The following TCF4 variants were observed in gnomAD, a reference collection of about 807,000 sequenced individuals.
TCF4 encodes SL3-3 enhancer factor 2.
A neutral mutation model predicts 82.1 loss-of-function variants in TCF4; 3 were observed. The observed-to-expected ratio is 0.04, with a 90% confidence interval of 0.02 to 0.09. The LOEUF (loss-of-function observed/expected upper bound fraction) is 0.09, where lower values mean the gene tolerates loss of function less well. Among genes scored for constraint, TCF4 ranks in the 10% least tolerant of loss-of-function variants. TCF4 has a pLI of 1.00. For missense variants in TCF4, 518 were observed against 852.7 expected, an observed-to-expected ratio of 0.61 and a Z score of 4.89; for synonymous variants, 276 against 309.6, an observed-to-expected ratio of 0.89 and a Z score of 1.14.
intron 8 of TCF4, among the ~76,000 whole-genome samples, chr18:55,318,989 G>T (rs2074831996): frequency 1.3e-5 from 2 of 152,068 alleles, no homozygotes; most frequent in African/African-American, 4.8e-5. Context: ...GCCTCTCTCA[G>T]TTCAGGGAGT....
At chr18:55,249,400 G>C (rs1342835518) in intron 15 of TCF4, among the ~76,000 whole-genome samples, 1 of 152,188 alleles carries the variant, frequency 6.6e-6, no homozygotes, top group Non-Finnish European at 1.5e-5. Flanking sequence ...TTTCTGAAAT[G>C]GGTTCCACAT....
rs776969005 is a variant in TCF4 at position 55,279,573 on chromosome 18, G to A, written c.633C>T (p.Phe211=). 2 of 1,613,952 alleles carry A rather than the reference G, an allele frequency of 1.2e-6. No individual in the cohort carries two copies. Among genetic ancestry groups the A allele is most frequent in the Non-Finnish European group, 1.7e-6 (2 of 1,179,896 alleles). ...TACCTTGCATGAAGAAGGAGCTAGG[G>A]AAAGTGCTGGTTGCTGGTTTGGAGG... is the stretch of plus-strand genomic sequence containing the variant. ...YPSSKPATST[F]PSSFFMQDGH... Residue 211 remains phenylalanine, a synonymous_variant, in exon 9 of 20, where the codon TTC becomes TTT. Coordinates refer to ENST00000354452, the MANE Select transcript of TCF4 (RefSeq NM_001083962.2).
chr18:55,333,942 A>G (rs1469444010), intron 8 of TCF4, among the ~76,000 whole-genome samples: 1 of 152,192 alleles, frequency 6.6e-6, no homozygotes, highest in African/African-American at 2.4e-5. Flanking sequence ...ATAATTATAT[A>G]AACTCCTCCA....
At chr18:55,322,105 C>CCT (rs2075688230) in intron 8 of TCF4, 1 of 588,692 alleles carries the variant, frequency 1.7e-6, no homozygotes, top group African/African-American at 2.4e-5. Context: ...TTTTTTTTTC[C>CCT]TTTTTTTTTT....
intron 5 of TCF4, among the ~76,000 whole-genome samples, chr18:55,416,325 T>C (rs947338356): frequency 1.3e-5 from 2 of 152,184 alleles, no homozygotes; most frequent in Non-Finnish European, 2.9e-5. Flanking sequence ...AAAAATTAAA[T>C]AGTCCATAAC....
intron 6 of TCF4, among the ~76,000 whole-genome samples, chr18:55,378,526 T>C (rs1163839915): frequency 6.6e-6 from 1 of 152,186 alleles, no homozygotes; most frequent in East Asian, 1.9e-4. Flanking sequence ...AATTAATAGA[T>C]GAGGAGACTT....
At chr18:55,302,597 A>T in intron 8 of TCF4, 1 of 1,530,390 alleles carries the variant, frequency 6.5e-7, no homozygotes, top group Non-Finnish European at 8.7e-7. Flanking sequence ...GGAGGGAGAG[A>T]GGGAACTTCA....
chr18:55,473,174 A>G (rs572879094), intron 3 of TCF4, among the ~76,000 whole-genome samples: 4 of 152,274 alleles, frequency 2.6e-5, no homozygotes, highest in South Asian at 2.1e-4. Context: ...GAAACATGGA[A>G]CTGTTTCCTC....
intron 3 of TCF4, among the ~76,000 whole-genome samples, chr18:55,511,239 G>A (rs1465622968): frequency 6.7e-6 from 1 of 149,242 alleles, no homozygotes; most frequent in East Asian, 2.0e-4. Context: ...AGTATAACCG[G>A]AAGCAATGAA....
At chr18:55,407,826 C>T (rs1400694073) in intron 5 of TCF4, among the ~76,000 whole-genome samples, 3 of 151,984 alleles carry the variant, frequency 2.0e-5, no homozygotes, top group Non-Finnish European at 4.4e-5. Context: ...CATTTGACTT[C>T]CAATTTTTCT....
chr18:55,447,461 G>A, intron 5 of TCF4, among the ~76,000 whole-genome samples: 1 of 152,084 alleles, frequency 6.6e-6, no homozygotes, highest in East Asian at 1.9e-4. Context: ...GGGCCAAGTT[G>A]AAAGCAAGAA....
At chr18:55,371,404 C>G (rs1296685338) in intron 6 of TCF4, among the ~76,000 whole-genome samples, 2 of 152,162 alleles carry the variant, frequency 1.3e-5, no homozygotes, top group East Asian at 3.9e-4. Flanking sequence ...CAGCCTTGGC[C>G]CCTTCATTTG....
intron 15 of TCF4, among the ~76,000 whole-genome samples, chr18:55,252,082 G>A (rs921447435): frequency 4.6e-5 from 7 of 152,002 alleles, no homozygotes; most frequent in African/African-American, 1.7e-4. Flanking sequence ...AGTTTGCACG[G>A]GAAAGATAGG....
intron 5 of TCF4, among the ~76,000 whole-genome samples, chr18:55,438,821 G>A (rs566202635): frequency 1.3e-5 from 2 of 152,314 alleles, no homozygotes; most frequent in South Asian, 2.1e-4. Flanking sequence ...ATCTGAAGGT[G>A]AGAAGAAGGG....
At chr18:55,627,376 GA>G (rs757518413) in intron 2 of TCF4, among the ~76,000 whole-genome samples, 45 of 152,164 alleles carry the variant, frequency 3.0e-4, no homozygotes, top group African/African-American at 9.4e-4. Flanking sequence ...ATACATACAT[GA>G]AAAAAAGTCT....
chr18:55,618,724 G>A (rs952697750), intron 2 of TCF4, among the ~76,000 whole-genome samples: 1 of 150,742 alleles, frequency 6.6e-6, no homozygotes, highest in African/African-American at 2.4e-5. Context: ...TGGGACCACA[G>A]GCACATGACA....
intron 6 of TCF4, among the ~76,000 whole-genome samples, chr18:55,357,547 C>A (rs998501426): frequency 1.3e-5 from 2 of 152,174 alleles, no homozygotes; most frequent in African/African-American, 4.8e-5. Flanking sequence ...ATTAGCAACA[C>A]TTTTGCTATA....
intron 2 of TCF4, chr18:55,596,115 G>A (rs1385892799): frequency 6.9e-6 from 3 of 437,408 alleles, no homozygotes; most frequent in South Asian, 3.2e-5. Context: ...CGCCTATCCC[G>A]GGTACTCAGG....
chr18:55,531,606 C>T (rs140574385), intron 3 of TCF4, among the ~76,000 whole-genome samples: 1 of 152,246 alleles, frequency 6.6e-6, no homozygotes, highest in East Asian at 1.9e-4. Flanking sequence ...TATTTCACTA[C>T]TAATATTCAG....
Sources: gnomAD v4.1 joint callset for allele counts (sites outside exome capture counted in the v4.1 genomes callset) on GRCh38, gnomAD v4.1.1 for gene constraint, MANE v1.5 for transcripts, NCBI Gene and HGNC (gene_info 2026-07-23, HGNC 2026-07-21) for gene names.